PBRM1: variants seen among roughly 807,000 people sequenced by gnomAD.
PBRM1 encodes the protein polybromo 1, also known as protein polybromo-1.
Under a neutral mutation model 194.5 loss-of-function variants are expected in PBRM1, and 27 were observed. The observed-to-expected ratio is 0.14, with a 90% confidence interval of 0.10 to 0.19. The LOEUF (loss-of-function observed/expected upper bound fraction) is 0.19. PBRM1 is among the 10% of genes least tolerant of loss of function. PBRM1 has a pLI of 1.00. For synonymous variants in PBRM1, 655 were observed against 693.2 expected, an observed-to-expected ratio of 0.94 and a Z score of 0.87; for missense variants, 1,466 against 2,077.2, an observed-to-expected ratio of 0.71 and a Z score of 5.72.
intron 7 of PBRM1, among the ~76,000 whole-genome samples, chr3:52,646,186 C>A (rs754627446): frequency 2.5e-4 from 38 of 152,174 alleles, no homozygotes; most frequent in Non-Finnish European, 4.7e-4. Context: ...TCCTGATTTT[C>A]TCTCAGAATT....
At chr3:52,615,032 G>GA (rs904737287) in intron 15 of PBRM1, among the ~76,000 whole-genome samples, 17 of 150,266 alleles carry the variant, frequency 1.1e-4, no homozygotes, top group Admixed American at 4.6e-4. Context: ...ACATACCAAG[G>GA]AAAAAAAAAT....
intron 11 of PBRM1, 30 bp from the exon 13 acceptor site, chr3:52,629,065 T>A: frequency 6.4e-7 from 1 of 1,550,542 alleles, no homozygotes; most frequent in East Asian, 2.3e-5. Flanking sequence ...TGCTAGAATT[T>A]TCTGTCATGA....
intron 5 of PBRM1, among the ~76,000 whole-genome samples, chr3:52,655,503 T>C (rs2096592330): frequency 6.6e-6 from 1 of 152,176 alleles, no homozygotes; most frequent in Admixed American, 6.5e-5. Flanking sequence ...TTTTTAGCTA[T>C]TGTGAATAAT....
At chr3:52,638,513 C>T (rs1369867307) in intron 10 of PBRM1, among the ~76,000 whole-genome samples, 1 of 151,964 alleles carries the variant, frequency 6.6e-6, no homozygotes. Flanking sequence ...CGTGCACCAC[C>T]ATGCCTGGCT....
At chr3:52,673,346 A>G (rs1318063060) in intron 2 of PBRM1, among the ~76,000 whole-genome samples, 1 of 151,870 alleles carries the variant, frequency 6.6e-6, no homozygotes, top group Non-Finnish European at 1.5e-5. Context: ...AACAAAATGA[A>G]ACAAAAAAAT....
At chr3:52,573,938 C>T (rs2088437266) in intron 22 of PBRM1, among the ~76,000 whole-genome samples, 1 of 152,202 alleles carries the variant, frequency 6.6e-6, no homozygotes, top group Admixed American at 6.6e-5. Flanking sequence ...CAGCTCCATG[C>T]TCCAAGAACT....
At chr3:52,673,191 T>A in intron 2 of PBRM1, among the ~76,000 whole-genome samples, 1 of 150,680 alleles carries the variant, frequency 6.6e-6, no homozygotes, top group African/African-American at 2.4e-5. Context: ...TTTCACTATG[T>A]TGGCCAGGCT....
intron 4 of PBRM1, among the ~76,000 whole-genome samples, chr3:52,659,756 C>A (rs2096679443): frequency 6.6e-6 from 1 of 152,090 alleles, no homozygotes; most frequent in South Asian, 2.1e-4. Context: ...AAATTAGAAA[C>A]CTGAAAATTT....
chr3:52,674,846 A>G (rs941569016), intron 2 of PBRM1, among the ~76,000 whole-genome samples: 1 of 151,370 alleles, frequency 6.6e-6, no homozygotes, highest in Non-Finnish European at 1.5e-5. Flanking sequence ...TATAACATAT[A>G]TATTAGCCAG....
intron 13 of PBRM1, chr3:52,624,921 A>G (rs1214071368): frequency 6.5e-6 from 10 of 1,548,454 alleles, no homozygotes. Flanking sequence ...GAGACCCAAC[A>G]TCTCACTGTC....
intron 27 of PBRM1, among the ~76,000 whole-genome samples, chr3:52,552,351 C>T (rs2081184180): frequency 6.6e-6 from 1 of 152,152 alleles, no homozygotes; most frequent in Non-Finnish European, 1.5e-5. Context: ...GCTGAGTCAC[C>T]AAAAGAGCTC....
At chr3:52,598,976 C>T (rs1286272932) in intron 17 of PBRM1, among the ~76,000 whole-genome samples, 1 of 145,414 alleles carries the variant, frequency 6.9e-6, no homozygotes, top group African/African-American at 2.6e-5. Context: ...GAGCTGAGAT[C>T]ACACCACTGC....
exon 5 of PBRM1, chr3:52,658,277 A>G: frequency 6.2e-7 from 1 of 1,612,894 alleles, no homozygotes; most frequent in South Asian, 1.1e-5. Context: ...TGGCTTCAAG[A>G]AGCTGCTCCA....
At chr3:52,675,425 C>G (rs2097076768) in intron 2 of PBRM1, among the ~76,000 whole-genome samples, 1 of 152,188 alleles carries the variant, frequency 6.6e-6, no homozygotes, top group Non-Finnish European at 1.5e-5. Context: ...AACTACTGAT[C>G]AATATCCCTT....
At chr3:52,676,344 G>A (rs894540645) in intron 2 of PBRM1, among the ~76,000 whole-genome samples, 6 of 152,260 alleles carry the variant, frequency 3.9e-5, no homozygotes, top group African/African-American at 1.4e-4. Flanking sequence ...GGGACCCAGA[G>A]GGAGGTAACT....
chr3:52,672,110 T>C (rs940613686), intron 2 of PBRM1, among the ~76,000 whole-genome samples: 7 of 152,244 alleles, frequency 4.6e-5, no homozygotes, highest in Admixed American at 1.3e-4. Context: ...CTGGATGTTC[T>C]AGTACGGAGC....
intron 13 of PBRM1, among the ~76,000 whole-genome samples, chr3:52,620,970 T>A (rs1432279926): frequency 6.6e-6 from 1 of 152,182 alleles, no homozygotes; most frequent in Non-Finnish European, 1.5e-5. Context: ...TTAGTTTTAA[T>A]CCGGCTGCCA....
intron 15 of PBRM1, among the ~76,000 whole-genome samples, chr3:52,612,838 G>A (rs953240857): frequency 7.3e-5 from 11 of 151,542 alleles, no homozygotes; most frequent in Non-Finnish European, 1.5e-4. Context: ...CCCAGGAGAC[G>A]GAGTCTGTAG....
intron 22 of PBRM1, among the ~76,000 whole-genome samples, chr3:52,572,713 G>A (rs1331575488): frequency 2.0e-5 from 3 of 151,916 alleles, no homozygotes; most frequent in East Asian, 1.9e-4. Context: ...ATTCTTCAAC[G>A]AAACTGAAAA....
Sources: allele counts gnomAD v4.1 joint callset (sites outside exome capture counted in the v4.1 genomes callset), GRCh38; gene constraint gnomAD v4.1.1; transcripts MANE v1.5; gene names NCBI Gene and HGNC (gene_info 2026-07-23, HGNC 2026-07-21).